The following CCNT2 variants were observed in gnomAD, a reference collection of about 807,000 sequenced individuals.
CCNT2 encodes cyclin T2, also known as cyclin-T2.
In CCNT2, 18 loss-of-function variants were observed where a neutral mutation model predicts 70.0. The observed-to-expected ratio is 0.26, with a 90% CI of 0.18 to 0.38. The LOEUF (loss-of-function observed/expected upper bound fraction) is 0.38. CCNT2 is among the 10% of genes least tolerant of loss of function. The probability of loss-of-function intolerance (pLI) is 1.00; values close to 1 mark genes in which losing one functional copy is unlikely to be tolerated. For missense variants in CCNT2, 734 were observed against 890.2 expected (o/e 0.82, Z 2.23); for synonymous variants, 334 against 313.3 (o/e 1.07, Z -0.70).
rs1188705073 is a variant in CCNT2 at position 134,953,978 on chromosome 2, G to A, written c.1523G>A (p.Arg508Gln). 1.2e-6 allele frequency: 2 copies of A among 1,613,974 alleles called. No homozygotes were observed. Among genetic ancestry groups the A allele is most frequent in the East Asian group, 2.2e-5 (1 of 44,880 alleles). The change falls in exon 9 of 9, where the codon CGG becomes CAG. Residue 508 changes from arginine to glutamine, a missense_variant. Physicochemically the swap from Arg to Gln is conservative, Grantham distance 43. This residue lies in a region of CCNT2 where 532 missense variants were observed against 556.9 expected (regional missense o/e 0.96). Transcript: ENST00000264157. ...GAAAAGAGTGGGTCACTGAAATTAC[G>A]GATTCCAATACCACCCACTGATAAA... is the stretch of plus-strand genomic sequence containing the variant. ...KKEKSGSLKL[R>Q]IPIPPTDKSA...
At chr2:134,948,076 G>A (rs919269516) in intron 7 of CCNT2, among the ~76,000 whole-genome samples, 177 bp downstream of exon 7, 3 of 152,040 alleles carry the variant, frequency 2.0e-5, no homozygotes, top group African/African-American at 7.2e-5. Flanking sequence ...TCCCAGCACT[G>A]TAGGAGGCTG....
chr2:134,945,646 G>T (rs958605843), intron 5 of CCNT2: 15 of 1,215,086 alleles, frequency 1.2e-5, no homozygotes, highest in South Asian at 4.6e-5. Flanking sequence ...TGGGGTGGGG[G>T]TTTGTTTTGT....
In CCNT2 at chr2:134,954,630, C is replaced by A; in HGVS notation, c.2175C>A (p.Ala725=). The A allele has an allele frequency of 5.0e-6, 8 of 1,601,098 alleles. No individual in the cohort carries two copies. Among genetic ancestry groups the A allele is most frequent in the Non-Finnish European group, 6.8e-6 (8 of 1,169,342 alleles). ...TFDMLDSLLS[A]QGMNM ...ACATGCTGGACTCACTGTTAAGTGC[C>A]CAAGGAATGAACATGTAATAATTTG... Residue 725 remains alanine, a synonymous_variant, in exon 9 of 9, where the codon GCC becomes GCA. Transcript: ENST00000264157.
intron 4 of CCNT2, among the ~76,000 whole-genome samples, chr2:134,940,479 A>G (rs1681498431): frequency 6.7e-6 from 1 of 150,100 alleles, no homozygotes; most frequent in South Asian, 2.1e-4. Context: ...AGTTAGGCAC[A>G]CAAACAGACA....
rs1045468908 is a variant in CCNT2 at position 134,954,155 on chromosome 2, GCCA to G, written c.1705_1707del (p.His569del). 1 of 1,613,996 alleles carries G rather than the reference GCCA, an allele frequency of 6.2e-7. No individual in the cohort carries two copies. Among genetic ancestry groups the G allele is most frequent in the Non-Finnish European group, 8.5e-7 (1 of 1,180,016 alleles). On this transcript the variant is annotated inframe_deletion, in exon 9 of 9. Coordinates refer to ENST00000264157, the MANE Select transcript of CCNT2 (RefSeq NM_058241.3). Reference sequence around the variant, plus strand: ...AAGCACAAGGAGCATCCTTCAAGCCGCCACCACACCAGCAGCCACAAGCATTCC... The same window carrying G: ...AAGCACAAGGAGCATCCTTCAAGCCGCCACACCAGCAGCCACAAGCATTCC...
At chr2:134,946,991 G>A (rs1390782652) in intron 6 of CCNT2, among the ~76,000 whole-genome samples, 1 of 152,132 alleles carries the variant, frequency 6.6e-6, no homozygotes, top group Non-Finnish European at 1.5e-5. Context: ...AATATCTGTT[G>A]TTGGTATTTA....
chr2:134,931,324 T>A (rs1052409201), intron 2 of CCNT2, among the ~76,000 whole-genome samples: 15 of 147,438 alleles, frequency 1.0e-4, no homozygotes, highest in Admixed American at 6.9e-5. Context: ...CACCATTTGC[T>A]GAAAAGAGTT....
chr2:134,936,853 A>C lies in CCNT2; in HGVS notation c.253A>C (p.Thr85Pro). 2 of 1,613,010 alleles carry C rather than the reference A, an allele frequency of 1.2e-6. No homozygotes were observed. Among genetic ancestry groups the C allele is most frequent in the Non-Finnish European group, 1.7e-6 (2 of 1,179,292 alleles). Residue 85 changes from threonine to proline, a missense_variant, in exon 3 of 9, where the codon ACT becomes CCT. By Grantham distance (38) the Thr-to-Pro change is conservative. This residue lies in a region of CCNT2 where 161 missense variants were observed against 303.8 expected (regional missense o/e 0.53). Transcript: ENST00000264157. Reference protein sequence around the residue: ...TKFNKNIISSTALFLAAKVEE... With the variant: ...TKFNKNIISSPALFLAAKVEE... ...ATCTTTTCTGCAGATAATATCGTCT[A>C]CTGCATTATTTTTGGCTGCAAAAGT... is the stretch of plus-strand genomic sequence containing the variant.
chr2:134,927,296 C>T (rs1332385226), intron 2 of CCNT2, among the ~76,000 whole-genome samples: 2 of 152,048 alleles, frequency 1.3e-5, no homozygotes, highest in African/African-American at 2.4e-5. Context: ...ATTCCTGAAG[C>T]GGCTTAAAAT....
intron 7 of CCNT2, among the ~76,000 whole-genome samples, chr2:134,948,779 A>G (rs1055453376): frequency 1.3e-5 from 2 of 150,694 alleles, no homozygotes; most frequent in African/African-American, 4.9e-5. Context: ...CAGTGGTGCA[A>G]TCTTGGCTCA....
intron 3 of CCNT2, among the ~76,000 whole-genome samples, chr2:134,938,003 G>A (rs1164935580): frequency 1.3e-5 from 2 of 152,102 alleles, no homozygotes; most frequent in Non-Finnish European, 2.9e-5. Flanking sequence ...TTAATTCAAA[G>A]TCCCGATTAA....
At chr2:134,920,710 CAT>C (rs1679836968) in intron 2 of CCNT2, among the ~76,000 whole-genome samples, 1 of 152,070 alleles carries the variant, frequency 6.6e-6, no homozygotes, top group African/African-American at 2.4e-5. Flanking sequence ...TACTTTTTAT[CAT>C]AGTTATTTTT....
At chr2:134,938,360 A>T (rs139393400) in intron 3 of CCNT2, among the ~76,000 whole-genome samples, 25 of 152,318 alleles carry the variant, frequency 1.6e-4, no homozygotes, top group African/African-American at 6.0e-4. Context: ...ACTTTGGTCA[A>T]TTGTCATGAT....
intron 6 of CCNT2, 50 bp from the exon 7 acceptor site, chr2:134,947,686 A>ATGT: frequency 7.5e-7 from 1 of 1,335,482 alleles, no homozygotes; most frequent in East Asian, 2.6e-5. Context: ...TCTTTGTTTT[A>ATGT]CATACTTGAA....
intron 7 of CCNT2, among the ~76,000 whole-genome samples, chr2:134,951,226 C>T (rs752603136): frequency 1.3e-5 from 2 of 151,846 alleles, no homozygotes; most frequent in Non-Finnish European, 2.9e-5. Flanking sequence ...TTAACATTGG[C>T]TTAGAATAGT....
In CCNT2 at chr2:134,945,267, A is replaced by G. The variant is rs906881944; in HGVS notation, c.494-834A>G. ...GGACGGTTAGAGGGGTGGAGTTGAG[A>G]TAAACTGATCCTAGGTGAGCAGAGG... On this transcript the variant is annotated intron_variant, in intron 5 of 8. Coordinates refer to ENST00000264157, the MANE Select transcript of CCNT2 (RefSeq NM_058241.3). 4 of 985,302 alleles carry G rather than the reference A, an allele frequency of 4.1e-6. No individual in the cohort carries two copies. In the African/African-American group the frequency reaches 5.2e-5, roughly 13 times the overall value. The allele number at this position is 985,302 out of a possible 1,614,324, so 61.0% of individuals were successfully genotyped here. A position where few individuals can be genotyped will look rare whatever the true frequency, so the allele number is the denominator to read the frequency against.
chr2:134,923,347 T>C (rs899623196), intron 2 of CCNT2, among the ~76,000 whole-genome samples: 14 of 152,202 alleles, frequency 9.2e-5, no homozygotes, highest in Admixed American at 7.8e-4. Context: ...TTTCAATTCA[T>C]TGTTATACTC....
At chr2:134,944,804 T>TA (rs1437958772) in intron 5 of CCNT2, 1 of 985,272 alleles carries the variant, frequency 1.0e-6, no homozygotes, top group East Asian at 1.1e-4. Flanking sequence ...ATTTCCCCTC[T>TA]ATTCTCTGTT....
rs2104998306 is a variant in CCNT2, at chr2:134,918,829, A to C, written c.-26A>C. 1 of 1,602,240 alleles carries C rather than the reference A, an allele frequency of 6.2e-7. No homozygotes were observed. Among genetic ancestry groups the C allele is most frequent in the East Asian group, 2.3e-5 (1 of 44,382 alleles). On this transcript the variant is annotated 5_prime_UTR_variant, in exon 1 of 9. Coordinates refer to ENST00000264157, the MANE Select transcript of CCNT2 (RefSeq NM_058241.3). The stretch of plus-strand genomic sequence containing the variant: ...AGCCAGGAGGGGCGGGGGGTGAATG[A>C]AGGAGCGGGCGGAGGAGGAAGTGTC...
Sources: gnomAD v4.1 joint callset for allele counts (sites outside exome capture counted in the v4.1 genomes callset) on GRCh38, gnomAD v4.1.1 for gene constraint, gnomAD v4.1.1 regional missense constraint, MANE v1.5 for transcripts, NCBI Gene and HGNC (gene_info 2026-07-23, HGNC 2026-07-21) for gene names.